The following MAGI1 variants were observed in gnomAD, a reference collection of about 807,000 sequenced individuals.
MAGI1 encodes membrane associated guanylate kinase, WW and PDZ domain containing 1.
MAGI1 carries 58 observed loss-of-function variants against 139.9 expected under a neutral mutation model. The observed-to-expected ratio is 0.41, with a 90% CI of 0.34 to 0.52. The LOEUF (loss-of-function observed/expected upper bound fraction) is 0.52. Ranked by LOEUF, MAGI1 falls within the 20% of genes least tolerant of loss-of-function variation. MAGI1 has a pLI of 0.12. For missense variants in MAGI1, 1,874 were observed against 1,901.6 expected, an observed-to-expected ratio of 0.99 and a Z score of 0.27; for synonymous variants, 812 against 737.9, an observed-to-expected ratio of 1.10 and a Z score of -1.63.
At chr3:65,805,820 A>G (rs1348555379) in intron 1 of MAGI1, among the ~76,000 whole-genome samples, 1 of 152,168 alleles carries the variant, frequency 6.6e-6, no homozygotes, top group Non-Finnish European at 1.5e-5. Context: ...CATCATCCTC[A>G]GCAAAGTAAC....
chr3:65,708,462 G>A (rs1035576806), intron 1 of MAGI1, among the ~76,000 whole-genome samples: 6 of 152,128 alleles, frequency 3.9e-5, no homozygotes, highest in African/African-American at 1.2e-4. Context: ...AAGCAGAGAC[G>A]GACTGGGAGA....
At chr3:65,838,161 A>T (rs1462876749) in intron 1 of MAGI1, among the ~76,000 whole-genome samples, 2 of 152,154 alleles carry the variant, frequency 1.3e-5, no homozygotes, top group Non-Finnish European at 1.5e-5. Flanking sequence ...AATACAAAAA[A>T]ATTAGCTGGG....
intron 1 of MAGI1, among the ~76,000 whole-genome samples, chr3:65,912,719 A>G (rs2061722453): frequency 6.6e-6 from 1 of 152,202 alleles, no homozygotes; most frequent in South Asian, 2.1e-4. Context: ...TTAGAAGATT[A>G]TTATGAGAAT....
chr3:65,798,123 G>A (rs1288500446), intron 1 of MAGI1, among the ~76,000 whole-genome samples: 4 of 152,046 alleles, frequency 2.6e-5, no homozygotes, highest in Non-Finnish European at 5.9e-5. Context: ...GGCCAACATG[G>A]TGAAACCCTG....
chr3:65,468,337 C>G (rs999524301), intron 5 of MAGI1, among the ~76,000 whole-genome samples: 2 of 147,860 alleles, frequency 1.4e-5, no homozygotes, highest in African/African-American at 5.0e-5. Context: ...TCTCAGAACT[C>G]TTCCCGGGTA....
intron 1 of MAGI1, among the ~76,000 whole-genome samples, chr3:65,844,886 C>G (rs2058932685): frequency 6.6e-6 from 1 of 152,168 alleles, no homozygotes; most frequent in African/African-American, 2.4e-5. Context: ...AGGAAGACAT[C>G]AGCACTCTTT....
chr3:66,030,450 T>C (rs2068528573), intron 1 of MAGI1, among the ~76,000 whole-genome samples: 1 of 152,186 alleles, frequency 6.6e-6, no homozygotes. Context: ...AAGACAACAT[T>C]CCTGCCATCT....
At chr3:65,992,541 G>C (rs2066237349) in intron 1 of MAGI1, among the ~76,000 whole-genome samples, 1 of 152,128 alleles carries the variant, frequency 6.6e-6, no homozygotes, top group Admixed American at 6.5e-5. Flanking sequence ...TTCAATACCA[G>C]GACTGTCTAA....
chr3:65,860,507 G>C (rs1284444473), intron 1 of MAGI1, among the ~76,000 whole-genome samples: 1 of 152,194 alleles, frequency 6.6e-6, no homozygotes, highest in East Asian at 1.9e-4. Context: ...GGCAGCCCGC[G>C]CGTTCCCCTC....
At chr3:65,620,158 T>A (rs1416870183) in intron 2 of MAGI1, among the ~76,000 whole-genome samples, 2 of 152,274 alleles carry the variant, frequency 1.3e-5, no homozygotes, top group East Asian at 3.9e-4. Context: ...ATTTGCTTCA[T>A]CCCCATTTCT....
At chr3:66,032,733 T>C (rs1345305943) in intron 1 of MAGI1, among the ~76,000 whole-genome samples, 2 of 150,546 alleles carry the variant, frequency 1.3e-5, no homozygotes, top group African/African-American at 2.4e-5. Context: ...CTGGGCAACA[T>C]GGCGAAACCC....
chr3:66,028,839 G>C (rs561825851), intron 1 of MAGI1, among the ~76,000 whole-genome samples: 1 of 152,076 alleles, frequency 6.6e-6, no homozygotes, highest in African/African-American at 2.4e-5. Context: ...GCAGAAAAAA[G>C]AGTGTTTTTT....
At chr3:65,926,023 T>C (rs553694067) in intron 1 of MAGI1, among the ~76,000 whole-genome samples, 2 of 152,320 alleles carry the variant, frequency 1.3e-5, no homozygotes, top group East Asian at 3.9e-4. Context: ...AGGTAAATGC[T>C]TTTATCTCCA....
chr3:65,979,288 A>T (rs2065443471), intron 1 of MAGI1, among the ~76,000 whole-genome samples: 1 of 152,090 alleles, frequency 6.6e-6, no homozygotes, highest in Non-Finnish European at 1.5e-5. Context: ...AAATGATCAC[A>T]TTCCCGGGGT....
chr3:66,035,719 G>C (rs1354778052), intron 1 of MAGI1, among the ~76,000 whole-genome samples: 1 of 152,002 alleles, frequency 6.6e-6, no homozygotes, highest in African/African-American at 2.4e-5. Context: ...CACACACACA[G>C]AAACATACCC....
chr3:65,737,371 G>A (rs2034857109), intron 1 of MAGI1, among the ~76,000 whole-genome samples: 1 of 152,168 alleles, frequency 6.6e-6, no homozygotes, highest in African/African-American at 2.4e-5. Flanking sequence ...ATGGACAGAT[G>A]GATGGATGAA....
chr3:65,646,232 A>C (rs2085253041), intron 1 of MAGI1, among the ~76,000 whole-genome samples: 1 of 152,132 alleles, frequency 6.6e-6, no homozygotes, highest in African/African-American at 2.4e-5. Context: ...ATTAATGAAA[A>C]TAAAATAGAA....
At chr3:65,357,231 G>T in intron 22 of MAGI1, 99 bp from the exon 23 acceptor site, 2 of 1,235,150 alleles carry the variant, frequency 1.6e-6, no homozygotes, top group African/African-American at 1.5e-5. Flanking sequence ...GTCACAACAA[G>T]CAAACAACTG....
chr3:65,661,719 CT>C (rs2086197516), intron 1 of MAGI1, among the ~76,000 whole-genome samples: 2 of 125,974 alleles, frequency 1.6e-5, no homozygotes, highest in South Asian at 2.8e-4. Context: ...CTTTGTATTT[CT>C]TTTTTTGTTG....
Sources: gnomAD v4.1 joint callset for allele counts (sites outside exome capture counted in the v4.1 genomes callset) on GRCh38, gnomAD v4.1.1 for gene constraint, MANE v1.5 for transcripts, NCBI Gene and HGNC (gene_info 2026-07-23, HGNC 2026-07-21) for gene names.